Variants in DENND1A observed in about 807,000 individuals in gnomAD.
DENND1A encodes the protein DENN domain containing 1A, also known as DENN domain-containing protein 1A.
A neutral mutation model predicts 113.7 loss-of-function variants in DENND1A; 51 were observed. The ratio of observed to expected loss-of-function variants is 0.45; its 90% confidence interval spans 0.36 to 0.57. The LOEUF is 0.57. Ranked by LOEUF, DENND1A falls within the 20% of genes least tolerant of loss-of-function variation. The pLI is 0.00. For synonymous variants in DENND1A, 565 were observed against 570.8 expected, an observed-to-expected ratio of 0.99 and a Z score of 0.14; for missense variants, 1,258 against 1,395.9, an observed-to-expected ratio of 0.90 and a Z score of 1.57.
intron 2 of DENND1A, among the ~76,000 whole-genome samples, chr9:123,820,989 A>G (rs1838369753): frequency 6.6e-6 from 1 of 152,224 alleles, no homozygotes; most frequent in East Asian, 1.9e-4. Context: ...ATACCATTGA[A>G]AAAATATTTT....
intron 2 of DENND1A, among the ~76,000 whole-genome samples, chr9:123,800,701 C>G (rs1213790849): frequency 6.6e-6 from 1 of 152,140 alleles, no homozygotes; most frequent in African/African-American, 2.4e-5. Context: ...TATTTATAGT[C>G]CTCTGCCAAG....
At chr9:123,397,259 A>G (rs1364914943) in intron 21 of DENND1A, among the ~76,000 whole-genome samples, 1 of 152,038 alleles carries the variant, frequency 6.6e-6, no homozygotes, top group Non-Finnish European at 1.5e-5. Flanking sequence ...GGTTCAAATG[A>G]TTCTCCTGCC....
At chr9:123,446,427 G>A (rs528875995) in intron 18 of DENND1A, among the ~76,000 whole-genome samples, 3 of 152,250 alleles carry the variant, frequency 2.0e-5, no homozygotes, top group Admixed American at 6.5e-5. Context: ...CCGGCCCCAC[G>A]CATGCTTACT....
intron 8 of DENND1A, among the ~76,000 whole-genome samples, chr9:123,655,911 T>C (rs1030778844): frequency 7.9e-5 from 12 of 152,234 alleles, no homozygotes; most frequent in Admixed American, 3.9e-4. Context: ...ACTCCTACTA[T>C]GTGCCTAGCA....
chr9:123,721,138 T>A (rs2141136653), intron 5 of DENND1A, among the ~76,000 whole-genome samples: 1 of 152,340 alleles, frequency 6.6e-6, no homozygotes, highest in East Asian at 1.9e-4. Context: ...GTGGTTCCTC[T>A]ATGCTAGAGC....
At chr9:123,631,861 A>C (rs1490660362) in intron 9 of DENND1A, among the ~76,000 whole-genome samples, 1 of 151,958 alleles carries the variant, frequency 6.6e-6, no homozygotes, top group Non-Finnish European at 1.5e-5. Context: ...TACAAAATTC[A>C]ATATAGTGAA....
At chr9:123,426,364 G>A (rs1483537077) in intron 19 of DENND1A, among the ~76,000 whole-genome samples, 1 of 152,226 alleles carries the variant, frequency 6.6e-6, no homozygotes, top group Admixed American at 6.5e-5. Context: ...CAGAGGGGCT[G>A]ACACCTTGGT....
chr9:123,866,010 A>G (rs1845759007), intron 2 of DENND1A, among the ~76,000 whole-genome samples: 1 of 152,132 alleles, frequency 6.6e-6, no homozygotes, highest in Admixed American at 6.5e-5. Flanking sequence ...TGATGAAAAT[A>G]TTTTTCATTT....
At chr9:123,417,816 T>G in intron 19 of DENND1A, among the ~76,000 whole-genome samples, 1 of 151,732 alleles carries the variant, frequency 6.6e-6, no homozygotes, top group Non-Finnish European at 1.5e-5. Context: ...CAGGGGCACA[T>G]GTCTCACCAA....
intron 13 of DENND1A, among the ~76,000 whole-genome samples, chr9:123,473,965 G>C (rs1369363034): frequency 6.7e-6 from 1 of 148,840 alleles, no homozygotes; most frequent in African/African-American, 2.5e-5. Flanking sequence ...TCTGTAAAAT[G>C]GGGTAACGTT....
intron 21 of DENND1A, among the ~76,000 whole-genome samples, chr9:123,395,342 G>A (rs1254043901): frequency 6.6e-6 from 1 of 152,092 alleles, no homozygotes; most frequent in Non-Finnish European, 1.5e-5. Flanking sequence ...CAGATCCTTG[G>A]GGGGATCCTG....
intron 5 of DENND1A, among the ~76,000 whole-genome samples, chr9:123,740,178 T>C (rs1285607133): frequency 6.6e-6 from 1 of 152,122 alleles, no homozygotes; most frequent in Non-Finnish European, 1.5e-5. Context: ...TACGTAAAAG[T>C]TGGAAATAAA....
intron 21 of DENND1A, among the ~76,000 whole-genome samples, chr9:123,392,496 C>T (rs1428632923): frequency 1.3e-5 from 2 of 152,086 alleles, no homozygotes; most frequent in Non-Finnish European, 2.9e-5. Context: ...CCCTCTGTCA[C>T]GTGGCTCCAG....
intron 12 of DENND1A, among the ~76,000 whole-genome samples, chr9:123,576,412 T>C (rs1300402136): frequency 6.6e-6 from 1 of 152,220 alleles, no homozygotes; most frequent in Non-Finnish European, 1.5e-5. Context: ...CCCTATAATA[T>C]CATTTTTCCC....
intron 11 of DENND1A, among the ~76,000 whole-genome samples, chr9:123,600,214 A>G (rs2059882124): frequency 6.6e-6 from 1 of 152,246 alleles, no homozygotes. Flanking sequence ...TCTTAGGTAG[A>G]TAAGTCTTTT....
At chr9:123,758,830 C>T (rs942118921) in intron 4 of DENND1A, among the ~76,000 whole-genome samples, 4 of 152,110 alleles carry the variant, frequency 2.6e-5, no homozygotes, top group Non-Finnish European at 5.9e-5. Flanking sequence ...GAGATGTAGT[C>T]TCGCTCTGTT....
At chr9:123,393,548 A>AG (rs2042963094) in intron 21 of DENND1A, among the ~76,000 whole-genome samples, 1 of 151,928 alleles carries the variant, frequency 6.6e-6, no homozygotes, top group South Asian at 2.1e-4. Flanking sequence ...TAAAAAAAAA[A>AG]AAAAGAAGGT....
chr9:123,427,049 G>A (rs987064637), intron 19 of DENND1A, among the ~76,000 whole-genome samples: 3 of 152,246 alleles, frequency 2.0e-5, no homozygotes, highest in Admixed American at 6.5e-5. Flanking sequence ...CAAGCTGGCC[G>A]TGAGGAGCTG....
At chr9:123,476,887 C>T (rs973358725) in intron 13 of DENND1A, among the ~76,000 whole-genome samples, 3 of 152,174 alleles carry the variant, frequency 2.0e-5, no homozygotes, top group Non-Finnish European at 2.9e-5. Flanking sequence ...TGCTTGGTTC[C>T]GTGCCTGACC....
Sources: gnomAD v4.1 joint callset for allele counts (sites outside exome capture counted in the v4.1 genomes callset) on GRCh38, gnomAD v4.1.1 for gene constraint, MANE v1.5 for transcripts, NCBI Gene and HGNC (gene_info 2026-07-23, HGNC 2026-07-21) for gene names.